The following ITGA8 variants were observed in gnomAD, a reference collection of about 807,000 sequenced individuals.
ITGA8 encodes the protein integrin subunit alpha 8.
Under a neutral mutation model 142.3 loss-of-function variants are expected in ITGA8, and 91 were observed. The observed-to-expected ratio is 0.64, with a 90% CI of 0.54 to 0.76. ITGA8 has a LOEUF of 0.76. Among genes scored for constraint, ITGA8 ranks in the 30% least tolerant of loss-of-function variants. The probability of loss-of-function intolerance (pLI) is 0.00; values close to 1 mark genes in which losing one functional copy is unlikely to be tolerated. For missense variants in ITGA8, 1,406 were observed against 1,327.7 expected, an observed-to-expected ratio of 1.06 and a Z score of -0.92; for synonymous variants, 505 against 485.2, an observed-to-expected ratio of 1.04 and a Z score of -0.54.
chr10:15,665,627 T>C (rs1418872461), intron 8 of ITGA8, among the ~76,000 whole-genome samples: 1 of 152,250 alleles, frequency 6.6e-6, no homozygotes, highest in Non-Finnish European at 1.5e-5. Context: ...CTAGGTTTTC[T>C]TCTAGGGTTT....
intron 20 of ITGA8, 118 bp from the exon 21 acceptor site, chr10:15,597,417 C>A: frequency 7.0e-6 from 5 of 714,946 alleles, no homozygotes; most frequent in South Asian, 3.3e-5. Flanking sequence ...GGCGATAGTG[C>A]AAAAAAAGTA....
At chr10:15,682,012 C>A (rs572842990) in intron 4 of ITGA8, among the ~76,000 whole-genome samples, 1 of 152,290 alleles carries the variant, frequency 6.6e-6, no homozygotes, top group Admixed American at 6.5e-5. Flanking sequence ...TGGAACATGA[C>A]ACAAACTATG....
intron 13 of ITGA8, among the ~76,000 whole-genome samples, chr10:15,624,839 G>A (rs1186140684): frequency 1.3e-5 from 2 of 152,192 alleles, no homozygotes; most frequent in African/African-American, 4.8e-5. Flanking sequence ...TGTGTCCAAT[G>A]GTGGGGTTAC....
At chr10:15,596,271 C>CTTTG (rs1268632093) in intron 21 of ITGA8, among the ~76,000 whole-genome samples, 4 of 152,172 alleles carry the variant, frequency 2.6e-5, no homozygotes, top group Admixed American at 2.6e-4. Context: ...AGAACATGGG[C>CTTTG]TTTGCTGTAA....
chr10:15,591,098 A>C (rs552091547), intron 22 of ITGA8, among the ~76,000 whole-genome samples: 3 of 152,326 alleles, frequency 2.0e-5, no homozygotes. Flanking sequence ...CATTATTCTA[A>C]AAGTTATCAC....
intron 28 of ITGA8, among the ~76,000 whole-genome samples, chr10:15,529,056 C>T (rs1323591149): frequency 7.2e-6 from 1 of 138,504 alleles, no homozygotes; most frequent in Non-Finnish European, 1.5e-5. Context: ...TCCTTCCTTC[C>T]TTTCTTCCTT....
rs1303654290 is a variant in ITGA8 at position 15,514,096 on chromosome 10, T to A, written c.*3062A>T. On this transcript the variant is annotated 3_prime_UTR_variant, in exon 30 of 30. Transcript: ENST00000378076. ...GTGACTAGTACATATTATTTTTTTA[T>A]TTACTGTATAAAAATCTCCAAGTTT... The A allele has an allele frequency of 5.9e-5, 9 of 152,212 alleles. No homozygotes were observed. Among genetic ancestry groups the A allele is most frequent in the Non-Finnish European group, 1.5e-5 (1 of 68,050 alleles). 9.4% of individuals were successfully genotyped at this position (152,212 alleles called of 1,614,324 possible).
At position 15,718,854 on chromosome 10, in the gene ITGA8, GGGCTGGCTGGTGTT is replaced by G; in HGVS notation, c.241_254del (p.Asn81ArgfsTer27). ...AGACGGCTCCCCCTTCCACGATATC[GGGCTGGCTGGTGTT>G]GGCTTTGGGCGCCCCCACCAAGACA... is the stretch of plus-strand genomic sequence containing the variant. On this transcript the variant is annotated frameshift_variant, in exon 2 of 30. Transcript: ENST00000378076. LOFTEE classifies it high-confidence loss of function. 4 of 1,614,146 alleles carry G rather than the reference GGGCTGGCTGGTGTT, an allele frequency of 2.5e-6. No individual in the cohort carries two copies. Among genetic ancestry groups the G allele is most frequent in the Non-Finnish European group, 3.4e-6 (4 of 1,180,034 alleles).
At chr10:15,649,049 A>C (rs946731568) in intron 11 of ITGA8, among the ~76,000 whole-genome samples, 3 of 152,128 alleles carry the variant, frequency 2.0e-5, no homozygotes, top group Non-Finnish European at 4.4e-5. Flanking sequence ...AGATGGCATT[A>C]GACCTGGGTG....
chr10:15,580,728 C>T lies in ITGA8; in HGVS notation c.2373-5134G>A, dbSNP rs187407509. On this transcript the variant is annotated intron_variant, in intron 23 of 29. Coordinates refer to ENST00000378076, the MANE Select transcript of ITGA8 (RefSeq NM_003638.3). ...GAATAAGCATTTGAAAAAAACTAAA[C>T]ATACATTCATGTTAAAAATTCTTAA... 1.1e-4 allele frequency among the ~76,000 whole-genome samples: 16 copies of T among 152,202 alleles called. No individual in the cohort carries two copies. In the East Asian group the frequency reaches 2.7e-3, roughly 26 times the overall value.
chr10:15,545,764 C>T (rs1480518747), intron 27 of ITGA8, among the ~76,000 whole-genome samples: 1 of 152,068 alleles, frequency 6.6e-6, no homozygotes, highest in Admixed American at 6.5e-5. Flanking sequence ...TCATCCATGC[C>T]AATGTGTCTA....
Position 15,520,692 on chromosome 10 carries a change from C to T in ITGA8, c.2983-1280G>A, listed in dbSNP as rs748402083. ...TAAAACCTTTTGTCAAAGAAAAGAG[C>T]GCTACATTATTCTTGGATGCAGACA... On this transcript the variant is annotated intron_variant, in intron 28 of 29. Transcript: ENST00000378076. Among the ~76,000 whole-genome samples the T allele has an allele frequency of 3.3e-5, 5 of 152,218 alleles. No individual in the cohort carries two copies. In the South Asian group the frequency reaches 6.2e-4, roughly 19 times the overall value.
In ITGA8 at chr10:15,659,140, A is replaced by T. The variant is rs571813338; in HGVS notation, c.892-85T>A. On this transcript the variant is annotated intron_variant, in intron 9 of 29. Coordinates refer to ENST00000378076, the MANE Select transcript of ITGA8 (RefSeq NM_003638.3). ...AAAACTACAACTTGAATCATTTAAA[A>T]TTTTTTGTAAAGTGTGATAAATGGT... The T allele has an allele frequency of 8.2e-4, 737 of 897,408 alleles. 3 individuals carry two copies. In the African/African-American group the frequency reaches 0.011, roughly 13 times the overall value. The allele number at this position is 897,408 out of a possible 1,614,324, so 55.6% of individuals were successfully genotyped here. A position where few individuals can be genotyped will look rare whatever the true frequency, so the allele number is the denominator to read the frequency against.
chr10:15,516,833 T>C lies in ITGA8; in HGVS notation c.*325A>G, dbSNP rs906846735. 2.0e-5 allele frequency: 4 copies of C among 198,482 alleles called. No homozygotes were observed. Among genetic ancestry groups the C allele is most frequent in the African/African-American group, 9.5e-5 (4 of 42,132 alleles). 12.3% of individuals were successfully genotyped at this position (198,482 alleles called of 1,614,324 possible). On this transcript the variant is annotated 3_prime_UTR_variant, in exon 30 of 30. Coordinates refer to ENST00000378076, the MANE Select transcript of ITGA8 (RefSeq NM_003638.3). ...TCAGACATTTCATCTCTGCAACTTA[T>C]GCTGGATTGATCTGGACTGCAACTT...
intron 5 of ITGA8, among the ~76,000 whole-genome samples, chr10:15,677,922 A>G (rs1287352585): frequency 1.3e-5 from 2 of 152,192 alleles, no homozygotes; most frequent in African/African-American, 2.4e-5. Context: ...ACTGCCTCAT[A>G]AGCAAAATAT....
intron 8 of ITGA8, among the ~76,000 whole-genome samples, chr10:15,669,921 C>T (rs1015788234): frequency 6.6e-6 from 1 of 152,182 alleles, no homozygotes; most frequent in African/African-American, 2.4e-5. Context: ...CAGTCCGCCG[C>T]TACTGGGGGG....
At chr10:15,651,208 A>G (rs981848905) in intron 11 of ITGA8, among the ~76,000 whole-genome samples, 3 of 152,182 alleles carry the variant, frequency 2.0e-5, no homozygotes, top group East Asian at 3.8e-4. Context: ...AAAAAAAAAC[A>G]TATTTGCTTG....
At chr10:15,709,130 T>C (rs987588426) in intron 2 of ITGA8, among the ~76,000 whole-genome samples, 4 of 152,218 alleles carry the variant, frequency 2.6e-5, no homozygotes, top group Admixed American at 2.6e-4. Context: ...AGAATATGCA[T>C]TGTAAGTGTC....
chr10:15,587,192 A>G (rs1293982708), intron 22 of ITGA8, among the ~76,000 whole-genome samples: 1 of 152,178 alleles, frequency 6.6e-6, no homozygotes, highest in African/African-American at 2.4e-5. Flanking sequence ...AAGTGCTGGG[A>G]TTACAGGCGT....
Sources: gnomAD v4.1 joint callset for allele counts (sites outside exome capture counted in the v4.1 genomes callset) on GRCh38, gnomAD v4.1.1 for gene constraint, MANE v1.5 for transcripts, NCBI Gene and HGNC (gene_info 2026-07-23, HGNC 2026-07-21) for gene names.